SDK1: variants seen among roughly 807,000 people sequenced by gnomAD.
SDK1 encodes protein sidekick-1.
A neutral mutation model predicts 245.5 loss-of-function variants in SDK1; 157 were observed. That is an observed-to-expected ratio of 0.64 (90% CI 0.56 to 0.73). The LOEUF (loss-of-function observed/expected upper bound fraction) is 0.73, where lower values mean the gene tolerates loss of function less well. Ranked by LOEUF, SDK1 falls within the 30% of genes least tolerant of loss-of-function variation. SDK1 has a pLI of 0.00. For missense variants in SDK1, 3,583 were observed against 3,002.3 expected (o/e 1.19, Z -4.52); for synonymous variants, 1,647 against 1,278.5 (o/e 1.29, Z -6.15).
intron 17 of SDK1, among the ~76,000 whole-genome samples, chr7:4,021,270 T>C (rs1227280380): frequency 6.6e-6 from 1 of 152,142 alleles, no homozygotes; most frequent in East Asian, 1.9e-4. Flanking sequence ...TCACCCCTCA[T>C]CTATCCACAG....
rs1295030123 is a variant in SDK1, at chr7:3,600,555, T to TG, written c.299-18525_299-18524insG. Reference sequence around the variant, plus strand: ...TTAAGTGTGATATTAGATGTAGTTTTTTTTTTTTTTTTTTTTTGAGATGGA... The same window carrying TG: ...TTAAGTGTGATATTAGATGTAGTTTTGTTTTTTTTTTTTTTTTTGAGATGGA... On this transcript the variant is annotated intron_variant, in intron 1 of 44. Coordinates refer to ENST00000404826, the MANE Select transcript of SDK1 (RefSeq NM_152744.4). Among the ~76,000 whole-genome samples, 6 of 130,654 alleles carry TG rather than the reference T, an allele frequency of 4.6e-5. 1 individual carries two copies. In the South Asian group the frequency reaches 1.8e-3, roughly 39 times the overall value. The allele number at this position is 130,654 out of a possible 152,430, so 85.7% of individuals were successfully genotyped here. A position where few individuals can be genotyped will look rare whatever the true frequency, so the allele number is the denominator to read the frequency against.
At chr7:3,995,582 T>G (rs189749467) in intron 14 of SDK1, among the ~76,000 whole-genome samples, 43 of 152,290 alleles carry the variant, frequency 2.8e-4, no homozygotes, top group African/African-American at 1.0e-3. Flanking sequence ...AATGCAACTA[T>G]CTAGAAGGCA....
rs566861547 is a variant in SDK1, at chr7:4,153,129, C to T, written c.4625+3666C>T. ...TCTGAGCTCTGTCGTGGGATAGGTG[C>T]GGGGGTTCCAAACAGAAGACAGAAA... On this transcript the variant is annotated intron_variant, in intron 30 of 44. Coordinates refer to ENST00000404826, the MANE Select transcript of SDK1 (RefSeq NM_152744.4). Among the ~76,000 whole-genome samples the T allele has an allele frequency of 2.3e-4, 35 of 151,926 alleles. No individual in the cohort carries two copies. In the East Asian group the frequency reaches 3.7e-3, roughly 16 times the overall value.
rs558565443 is a variant in SDK1 at position 3,812,971 on chromosome 7, C to T, written c.714-8479C>T. Among the ~76,000 whole-genome samples, 74 of 152,342 alleles carry T rather than the reference C, an allele frequency of 4.9e-4. 2 individuals carry two copies. The South Asian group carries it at 6.8e-3, about 14-fold the overall frequency. On this transcript the variant is annotated intron_variant, in intron 4 of 44. Coordinates refer to ENST00000404826, the MANE Select transcript of SDK1 (RefSeq NM_152744.4). ...TTTTGCTTTTAAGATGTTTTTCTTA[C>T]ACCCAGAGCAAATGGTCAGCAGCAA...
chr7:4,058,200 A>G (rs1046647543), intron 19 of SDK1, among the ~76,000 whole-genome samples: 8 of 152,216 alleles, frequency 5.3e-5, no homozygotes, highest in Admixed American at 5.2e-4. Flanking sequence ...CAAAGAGATA[A>G]ATATTATAAA....
At chr7:4,159,573 T>G (rs901300346) in intron 31 of SDK1, among the ~76,000 whole-genome samples, 1 of 151,928 alleles carries the variant, frequency 6.6e-6, no homozygotes, top group African/African-American at 2.4e-5. Flanking sequence ...ATCCTGGGAG[T>G]TTATTGGAGC....
At chr7:4,213,545 ACTG>A (rs1784617501) in intron 38 of SDK1, among the ~76,000 whole-genome samples, 1 of 151,808 alleles carries the variant, frequency 6.6e-6, no homozygotes, top group Non-Finnish European at 1.5e-5. Flanking sequence ...AGATCGCACC[ACTG>A]CACTCCAGCC....
rs1788479861 is a variant in SDK1, at chr7:4,266,505, C to T, written c.*1121C>T. 3 of 985,402 alleles carry T rather than the reference C, an allele frequency of 3.0e-6. No homozygotes were observed. The highest frequency in any genetic ancestry group is 2.4e-6 in the Non-Finnish European group (2 of 829,920). 61.0% of individuals were successfully genotyped at this position (985,402 alleles called of 1,614,324 possible). ...GCAGCCACCGCTTCTCCACCACTGG[C>T]GCTGCTGCTGCCCCCTCTCCCAGTC... On this transcript the variant is annotated 3_prime_UTR_variant, in exon 45 of 45. Coordinates refer to ENST00000404826, the MANE Select transcript of SDK1 (RefSeq NM_152744.4).
chr7:3,645,513 A>G (rs1381082686), intron 4 of SDK1, among the ~76,000 whole-genome samples: 1 of 152,212 alleles, frequency 6.6e-6, no homozygotes, highest in Non-Finnish European at 1.5e-5. Context: ...TTCACATCCC[A>G]AGTACACTGA....
intron 42 of SDK1, among the ~76,000 whole-genome samples, chr7:4,239,089 T>C (rs1027709216): frequency 1.3e-5 from 2 of 152,108 alleles, no homozygotes; most frequent in East Asian, 1.9e-4. Context: ...CTACTGTGTT[T>C]CCAGCAGAAA....
chr7:3,637,878 A>G (rs923946048), intron 2 of SDK1, among the ~76,000 whole-genome samples: 1 of 152,252 alleles, frequency 6.6e-6, no homozygotes, highest in Non-Finnish European at 1.5e-5. Context: ...AGACGCCCTG[A>G]TGGCATTGCT....
chr7:4,010,311 C>T (rs1785836315), intron 14 of SDK1, among the ~76,000 whole-genome samples: 1 of 152,136 alleles, frequency 6.6e-6, no homozygotes, highest in African/African-American at 2.4e-5. Flanking sequence ...GTAGGATCTC[C>T]AGCAGAACCT....
chr7:3,931,665 G>C (rs1779984493), intron 5 of SDK1, among the ~76,000 whole-genome samples: 1 of 152,130 alleles, frequency 6.6e-6, no homozygotes, highest in Admixed American at 6.6e-5. Context: ...GCATCCCTAG[G>C]TTGATTGGTC....
chr7:3,858,232 T>A (rs1425484089), intron 5 of SDK1, among the ~76,000 whole-genome samples: 1 of 151,940 alleles, frequency 6.6e-6, no homozygotes, highest in Non-Finnish European at 1.5e-5. Flanking sequence ...ACAGTACATA[T>A]AATATGATAT....
chr7:3,971,353 A>G (rs1290830591), intron 11 of SDK1, 113 bp from the exon 12 acceptor site: 2 of 717,966 alleles, frequency 2.8e-6, no homozygotes, highest in South Asian at 1.6e-5. Context: ...TTCTGCCAAG[A>G]TGAGAGAAAA....
At chr7:3,657,601 G>T (rs1018124947) in intron 4 of SDK1, among the ~76,000 whole-genome samples, 8 of 151,798 alleles carry the variant, frequency 5.3e-5, no homozygotes, top group African/African-American at 1.5e-4. Flanking sequence ...GGGGACTCGG[G>T]TTTTTTTCCA....
chr7:3,872,010 T>G (rs767870083), intron 5 of SDK1, among the ~76,000 whole-genome samples: 2 of 152,368 alleles, frequency 1.3e-5, no homozygotes, highest in African/African-American at 4.8e-5. Flanking sequence ...GTTTTTGTTA[T>G]GAACTTTCTC....
chr7:3,740,155 T>C (rs1330095521), intron 4 of SDK1, among the ~76,000 whole-genome samples: 1 of 152,142 alleles, frequency 6.6e-6, no homozygotes, highest in Non-Finnish European at 1.5e-5. Flanking sequence ...AACCCTCCAC[T>C]TGCTTGCTTA....
intron 1 of SDK1, among the ~76,000 whole-genome samples, chr7:3,538,722 ACT>A (rs1021714561): frequency 6.6e-6 from 1 of 152,078 alleles, no homozygotes; most frequent in African/African-American, 2.4e-5. Flanking sequence ...AGGAGTTTAT[ACT>A]CTCTATGCAA....
Sources: gnomAD v4.1 joint callset for allele counts (sites outside exome capture counted in the v4.1 genomes callset) on GRCh38, gnomAD v4.1.1 for gene constraint, MANE v1.5 for transcripts, NCBI Gene and HGNC (gene_info 2026-07-23, HGNC 2026-07-21) for gene names.